ANKRD31: variants seen among roughly 807,000 people sequenced by gnomAD.
ANKRD31 encodes ankyrin repeat domain 31.
ANKRD31 carries 147 observed loss-of-function variants against 186.0 expected under a neutral mutation model. That is an observed-to-expected ratio of 0.79 (90% CI 0.69 to 0.91). The LOEUF (loss-of-function observed/expected upper bound fraction) is 0.91, where lower values mean the gene tolerates loss of function less well. Among genes scored for constraint, ANKRD31 ranks in the 40% least tolerant of loss-of-function variants. ANKRD31 has a pLI of 0.00. For missense variants in ANKRD31, 1,986 were observed against 2,148.8 expected (o/e 0.92, Z 1.50); for synonymous variants, 673 against 736.4 (o/e 0.91, Z 1.39).
At chr5:75,078,820 T>G (rs1196273354) in intron 25 of ANKRD31, among the ~76,000 whole-genome samples, 1 of 152,186 alleles carries the variant, frequency 6.6e-6, no homozygotes, top group African/African-American at 2.4e-5. Context: ...TCAGTGAGGA[T>G]TCCCTCAATA....
At chr5:75,220,646 A>G (rs1757236857) in intron 3 of ANKRD31, among the ~76,000 whole-genome samples, 1 of 151,968 alleles carries the variant, frequency 6.6e-6, no homozygotes, top group Admixed American at 6.6e-5. Flanking sequence ...CCGTCTCAAA[A>G]AAAAAAAAAA....
chr5:75,068,494 A>G lies in ANKRD31; in HGVS notation c.*25T>C. The G allele has an allele frequency of 6.9e-7, 1 of 1,450,928 alleles. No individual in the cohort carries two copies. Among genetic ancestry groups the G allele is most frequent in the Non-Finnish European group, 9.0e-7 (1 of 1,107,340 alleles). 89.9% of individuals were successfully genotyped at this position (1,450,928 alleles called of 1,614,324 possible). On this transcript the variant is annotated 3_prime_UTR_variant, in exon 26 of 26. Transcript: ENST00000506364. ...TTGTTGGTAATTTGAACAAATATCC[A>G]ATAAAATATTAAGAAACCAAGGTTT...
In ANKRD31 at chr5:75,236,666, G is replaced by C; in HGVS notation, c.21C>G (p.Ala7=). 6.5e-7 allele frequency: 1 copy of C among 1,535,932 alleles called. No homozygotes were observed. Among genetic ancestry groups the C allele is most frequent in the Non-Finnish European group, 8.7e-7 (1 of 1,146,170 alleles). Residue 7 remains alanine, a synonymous_variant, in exon 1 of 26, where the codon GCC becomes GCG. Coordinates refer to ENST00000506364, the MANE Select transcript of ANKRD31 (RefSeq NM_001372053.1). The stretch of plus-strand genomic sequence containing the variant: ...CAGTTTCATCACTGTCCCAGTCTGG[G>C]GCCTGGACGCCTTCCTCCATCTTTG... MEEGVQ[A]PDWDSDETVI... is the part of the protein sequence containing the mutation.
At chr5:75,123,838 A>C (rs1213206048) in intron 17 of ANKRD31, among the ~76,000 whole-genome samples, 1 of 152,156 alleles carries the variant, frequency 6.6e-6, no homozygotes, top group Non-Finnish European at 1.5e-5. Flanking sequence ...TTCTATAAGA[A>C]AACTTAGGGA....
chr5:75,120,840 T>G (rs1344147002), intron 17 of ANKRD31, among the ~76,000 whole-genome samples: 1 of 152,144 alleles, frequency 6.6e-6, no homozygotes, highest in Non-Finnish European at 1.5e-5. Context: ...ATTTTTAAAA[T>G]GAACCAACTA....
chr5:75,085,646 C>A (rs1409492473), intron 23 of ANKRD31, among the ~76,000 whole-genome samples: 1 of 152,128 alleles, frequency 6.6e-6, no homozygotes, highest in African/African-American at 2.4e-5. Context: ...AAATGATCCA[C>A]CTGCCTTGGC....
chr5:75,161,153 C>T (rs1752549424), intron 11 of ANKRD31, among the ~76,000 whole-genome samples: 1 of 152,088 alleles, frequency 6.6e-6, no homozygotes, highest in South Asian at 2.1e-4. Context: ...CAGAAGAAGA[C>T]AGAAAAAGGT....
intron 22 of ANKRD31, 86 bp from the exon 23 acceptor site, chr5:75,091,487 G>A (rs1446746603): frequency 8.0e-7 from 1 of 1,254,352 alleles, no homozygotes; most frequent in Non-Finnish European, 1.1e-6. Flanking sequence ...AAGTAACAGG[G>A]ACCACATATA....
At chr5:75,206,282 T>G (rs373435561) in intron 5 of ANKRD31, 129 bp downstream of exon 5, 1 of 42,520 alleles carries the variant, frequency 2.4e-5, no homozygotes, top group Non-Finnish European at 3.8e-5. Flanking sequence ...TATATATATA[T>G]ATATATATAT....
intron 22 of ANKRD31, among the ~76,000 whole-genome samples, chr5:75,101,068 G>A (rs1239714642): frequency 6.6e-6 from 1 of 152,164 alleles, no homozygotes; most frequent in African/African-American, 2.4e-5. Context: ...GGTACCAGCT[G>A]TTCCTTTCCA....
At chr5:75,077,129 C>T (rs557998763) in intron 25 of ANKRD31, among the ~76,000 whole-genome samples, 2 of 152,114 alleles carry the variant, frequency 1.3e-5, no homozygotes, top group African/African-American at 2.4e-5. Context: ...AATGCAATGG[C>T]GTGACCATAG....
Position 75,188,530 on chromosome 5 carries a change from T to A in ANKRD31, c.1527A>T (p.Ile509=). 1.3e-6 allele frequency: 2 copies of A among 1,536,002 alleles called. No individual in the cohort carries two copies. Among genetic ancestry groups the A allele is most frequent in the Non-Finnish European group, 1.7e-6 (2 of 1,146,468 alleles). Residue 509 remains isoleucine, a synonymous_variant, in exon 10 of 26, where the codon ATA becomes ATT. Coordinates refer to ENST00000506364, the MANE Select transcript of ANKRD31 (RefSeq NM_001372053.1). ...HDDADLVHHC[I]KKGGNVNQPS... is the part of the protein sequence containing the mutation. ...GCTGATTAACATTTCCACCTTTTTTTATACAATGATGAACAAGATCAGCAT... is the reference window on the plus strand; with the variant it reads ...GCTGATTAACATTTCCACCTTTTTTAATACAATGATGAACAAGATCAGCAT...
At chr5:75,090,917 C>T (rs1246987650) in intron 23 of ANKRD31, among the ~76,000 whole-genome samples, 1 of 152,150 alleles carries the variant, frequency 6.6e-6, no homozygotes, top group African/African-American at 2.4e-5. Flanking sequence ...CCAGTGGTTC[C>T]AAATTTTCCA....
At chr5:75,085,952 G>A (rs1176131956) in intron 23 of ANKRD31, among the ~76,000 whole-genome samples, 1 of 152,128 alleles carries the variant, frequency 6.6e-6, no homozygotes, top group African/African-American at 2.4e-5. Flanking sequence ...ACAAAGCCTG[G>A]CAATGAAAAT....
chr5:75,225,239 T>C (rs996847485), intron 2 of ANKRD31, among the ~76,000 whole-genome samples: 3 of 152,306 alleles, frequency 2.0e-5, no homozygotes, highest in Admixed American at 2.0e-4. Flanking sequence ...TGTAATAGTA[T>C]TGAAAAACAT....
chr5:75,231,663 A>G (rs1446770178), intron 1 of ANKRD31, among the ~76,000 whole-genome samples: 4 of 152,226 alleles, frequency 2.6e-5, no homozygotes, highest in Non-Finnish European at 5.9e-5. Context: ...GATGTTCATC[A>G]TCACTAATCA....
intron 17 of ANKRD31, among the ~76,000 whole-genome samples, chr5:75,136,572 T>C (rs1363851978): frequency 6.6e-6 from 1 of 152,214 alleles, no homozygotes; most frequent in African/African-American, 2.4e-5. Context: ...GGTGGGACTG[T>C]AAACTAGTTC....
chr5:75,150,694 T>C (rs533589921), intron 12 of ANKRD31, among the ~76,000 whole-genome samples: 1 of 151,978 alleles, frequency 6.6e-6, no homozygotes, highest in East Asian at 1.9e-4. Flanking sequence ...GTATTCTGGA[T>C]TTGGAGAAAA....
At position 75,080,575 on chromosome 5, in the gene ANKRD31, A is replaced by G. The variant is rs1291875526; in HGVS notation, c.5640T>C (p.Phe1880=). ...ATTTTCTTTTTTTTTTACCTTGTCC[A>G]AATTTTGTTTTCTCAAACATTGATT... ...PNKSMFEKTK[F]GQGTSRESMQ... Residue 1880 remains phenylalanine, a synonymous_variant, in exon 25 of 26, where the codon TTT becomes TTC. Transcript: ENST00000506364. 1 of 1,528,502 alleles carries G rather than the reference A, an allele frequency of 6.5e-7. No homozygotes were observed. The highest frequency in any genetic ancestry group is 8.8e-7 in the Non-Finnish European group (1 of 1,142,840). The allele number at this position is 1,528,502 out of a possible 1,614,324, so 94.7% of individuals were successfully genotyped here.
Sources: gnomAD v4.1 joint callset for allele counts (sites outside exome capture counted in the v4.1 genomes callset) on GRCh38, gnomAD v4.1.1 for gene constraint, MANE v1.5 for transcripts, NCBI Gene and HGNC (gene_info 2026-07-23, HGNC 2026-07-21) for gene names.